Variants in PAPSS1 observed in about 807,000 individuals in gnomAD.
PAPSS1 encodes bifunctional 3'-phosphoadenosine 5'-phosphosulfate synthase 1.
In PAPSS1, 50 loss-of-function variants were observed where a neutral mutation model predicts 72.0. The observed-to-expected ratio is 0.69, with a 90% CI of 0.55 to 0.88. The LOEUF is 0.88. PAPSS1 is among the 40% of genes least tolerant of loss of function. PAPSS1 has a pLI of 0.00. For missense variants in PAPSS1, 657 were observed against 782.2 expected (o/e 0.84, Z 1.91); for synonymous variants, 261 against 263.6 (o/e 0.99, Z 0.09).
chr4:107,664,743 T>A (rs1366621148), intron 5 of PAPSS1, among the ~76,000 whole-genome samples: 1 of 152,206 alleles, frequency 6.6e-6, no homozygotes, highest in South Asian at 2.1e-4. Flanking sequence ...GCAATATCTA[T>A]ACTGTAAGCC....
intron 10 of PAPSS1, among the ~76,000 whole-genome samples, chr4:107,641,937 C>T (rs138870002): frequency 6.6e-6 from 1 of 152,262 alleles, no homozygotes; most frequent in Admixed American, 6.5e-5. Flanking sequence ...ATATTAATTA[C>T]CACATCTTGT....
At chr4:107,652,673 C>T (rs1034347390) in intron 9 of PAPSS1, among the ~76,000 whole-genome samples, 4 of 152,148 alleles carry the variant, frequency 2.6e-5, no homozygotes, top group African/African-American at 7.2e-5. Flanking sequence ...ATAAAAGTTC[C>T]GTTGTTCCAT....
chr4:107,636,680 G>A (rs1317567085), intron 10 of PAPSS1, among the ~76,000 whole-genome samples: 8 of 152,174 alleles, frequency 5.3e-5, no homozygotes, highest in Non-Finnish European at 1.0e-4. Flanking sequence ...TGCCTTGTTC[G>A]AGAAAATGAA....
chr4:107,702,362 G>C (rs1723226340), intron 1 of PAPSS1, among the ~76,000 whole-genome samples: 1 of 152,054 alleles, frequency 6.6e-6, no homozygotes, highest in Non-Finnish European at 1.5e-5. Flanking sequence ...CATAAAACTT[G>C]TACATACATA....
chr4:107,619,826 C>T (rs748523957), intron 11 of PAPSS1, among the ~76,000 whole-genome samples: 3 of 152,114 alleles, frequency 2.0e-5, no homozygotes, highest in African/African-American at 4.8e-5. Context: ...TTATAATCTA[C>T]AGCAGACAGA....
At chr4:107,676,217 T>A (rs1727644749) in intron 5 of PAPSS1, among the ~76,000 whole-genome samples, 1 of 152,250 alleles carries the variant, frequency 6.6e-6, no homozygotes, top group African/African-American at 2.4e-5. Context: ...TAAAGGGCAT[T>A]CAATTAGGAA....
intron 2 of PAPSS1, among the ~76,000 whole-genome samples, chr4:107,700,726 A>G (rs577261259): frequency 6.6e-6 from 1 of 152,328 alleles, no homozygotes; most frequent in East Asian, 1.9e-4. Flanking sequence ...TATTACAAAC[A>G]TAGCAAGAAG....
At chr4:107,708,975 C>G (rs1723417597) in intron 1 of PAPSS1, among the ~76,000 whole-genome samples, 1 of 152,198 alleles carries the variant, frequency 6.6e-6, no homozygotes, top group Non-Finnish European at 1.5e-5. Flanking sequence ...AAATGCTGAG[C>G]TATAACCAAT....
chr4:107,677,944 C>A (rs940889744), intron 5 of PAPSS1, among the ~76,000 whole-genome samples: 7 of 152,054 alleles, frequency 4.6e-5, no homozygotes, highest in Non-Finnish European at 8.8e-5. Context: ...CGACAAAAAA[C>A]CAAACACCAC....
intron 5 of PAPSS1, among the ~76,000 whole-genome samples, chr4:107,670,378 A>G (rs1727436156): frequency 6.6e-6 from 1 of 152,206 alleles, no homozygotes; most frequent in Non-Finnish European, 1.5e-5. Context: ...CTAAGACTAC[A>G]GAGATAAGAC....
intron 5 of PAPSS1, among the ~76,000 whole-genome samples, chr4:107,677,228 T>C (rs1727677162): frequency 2.0e-5 from 3 of 152,114 alleles, no homozygotes; most frequent in Admixed American, 2.0e-4. Flanking sequence ...CAAAAGAAAC[T>C]ACCATCAGAG....
intron 11 of PAPSS1, among the ~76,000 whole-genome samples, chr4:107,615,809 G>C (rs189303774): frequency 3.7e-4 from 56 of 152,254 alleles, no homozygotes; most frequent in African/African-American, 1.3e-3. Flanking sequence ...AAAAGGGTGG[G>C]CCCCCTATGA....
intron 10 of PAPSS1, among the ~76,000 whole-genome samples, chr4:107,634,086 T>C (rs1726296475): frequency 6.6e-6 from 1 of 151,922 alleles, no homozygotes; most frequent in Non-Finnish European, 1.5e-5. Context: ...GGTGCAAAAA[T>C]GGTTTACTGC....
Position 107,654,780 on chromosome 4 carries a change from C to G in PAPSS1, c.1016G>C (p.Arg339Pro). 6.2e-7 allele frequency: 1 copy of G among 1,613,972 alleles called. No homozygotes were observed. The highest frequency in any genetic ancestry group is 8.5e-7 in the Non-Finnish European group (1 of 1,179,934). ...CCTGTGCTCAAAAAACTCTGGATTG[C>G]GAAGAATGGCCACACGGCGGCCCTC... is the stretch of plus-strand genomic sequence containing the variant. ...MYEGRRVAIL[R>P]NPEFFEHRKE... Residue 339 changes from arginine to proline, a missense_variant, in exon 8 of 12, where the codon CGC becomes CCC. Coordinates refer to ENST00000265174, the MANE Select transcript of PAPSS1 (RefSeq NM_005443.5).
intron 11 of PAPSS1, among the ~76,000 whole-genome samples, chr4:107,616,080 T>TAGAGAG (rs34351516): frequency 6.0e-5 from 9 of 149,806 alleles, no homozygotes; most frequent in Non-Finnish European, 7.4e-5. Context: ...TTTTAGAAAA[T>TAGAGAG]AGAGAGAGAG....
intron 10 of PAPSS1, among the ~76,000 whole-genome samples, chr4:107,633,406 GT>G: frequency 6.6e-6 from 1 of 152,232 alleles, no homozygotes; most frequent in East Asian, 1.9e-4. Flanking sequence ...TTGCACAACT[GT>G]TTTTCCTAGA....
chr4:107,638,713 A>C (rs552109788), intron 10 of PAPSS1, among the ~76,000 whole-genome samples: 1 of 152,336 alleles, frequency 6.6e-6, no homozygotes, highest in African/African-American at 2.4e-5. Context: ...AAAGCACTGG[A>C]AAGTATTTCA....
At chr4:107,655,517 T>C (rs1419883359) in intron 7 of PAPSS1, among the ~76,000 whole-genome samples, 2 of 152,220 alleles carry the variant, frequency 1.3e-5, no homozygotes, top group Non-Finnish European at 2.9e-5. Flanking sequence ...TTGTCAGTGA[T>C]ACTAAAGGCA....
intron 11 of PAPSS1, among the ~76,000 whole-genome samples, chr4:107,630,662 T>C (rs1053507995): frequency 6.6e-6 from 1 of 152,232 alleles, no homozygotes; most frequent in African/African-American, 2.4e-5. Context: ...CTTGGGTTTT[T>C]TTGCTCTTCC....
Sources: allele counts gnomAD v4.1 joint callset (sites outside exome capture counted in the v4.1 genomes callset), GRCh38; gene constraint gnomAD v4.1.1; transcripts MANE v1.5; gene names NCBI Gene and HGNC (gene_info 2026-07-23, HGNC 2026-07-21).